The following LRP1B variants were observed in gnomAD, a reference collection of about 807,000 sequenced individuals.
LRP1B encodes low-density lipoprotein receptor-related protein 1B.
Under a neutral mutation model 556.6 loss-of-function variants are expected in LRP1B, and 217 were observed. That is an observed-to-expected ratio of 0.39 (90% CI 0.35 to 0.44). LRP1B has a LOEUF of 0.44. LRP1B is among the 20% of genes least tolerant of loss of function. The probability of loss-of-function intolerance (pLI) is 1.00; values close to 1 mark genes in which losing one functional copy is unlikely to be tolerated. For missense variants in LRP1B, 5,053 were observed against 5,620.8 expected (o/e 0.90, Z 3.23); for synonymous variants, 2,047 against 1,865.8 (o/e 1.10, Z -2.50).
chr2:141,155,751 C>A (rs1160864814), intron 7 of LRP1B, among the ~76,000 whole-genome samples: 1 of 151,996 alleles, frequency 6.6e-6, no homozygotes, highest in Non-Finnish European at 1.5e-5. Context: ...TTACTGAAGT[C>A]TTCTAATTTT....
intron 1 of LRP1B, among the ~76,000 whole-genome samples, chr2:141,933,238 A>G (rs1201776315): frequency 6.6e-6 from 1 of 152,134 alleles, no homozygotes; most frequent in African/African-American, 2.4e-5. Flanking sequence ...TTTAAGAAAA[A>G]AAAATTGTTG....
At chr2:141,978,166 A>C (rs1701938024) in intron 1 of LRP1B, among the ~76,000 whole-genome samples, 1 of 152,144 alleles carries the variant, frequency 6.6e-6, no homozygotes, top group Non-Finnish European at 1.5e-5. Flanking sequence ...ATAGTGAGTG[A>C]ATGAACTTAT....
chr2:140,849,206 A>G (rs1379423119), intron 29 of LRP1B, among the ~76,000 whole-genome samples: 2 of 32,082 alleles, frequency 6.2e-5, no homozygotes, highest in African/African-American at 1.3e-4. Context: ...AATACAAAAA[A>G]AAAAAAAAAA....
At chr2:141,217,625 C>G (rs1682868290) in intron 6 of LRP1B, among the ~76,000 whole-genome samples, 2 of 152,086 alleles carry the variant, frequency 1.3e-5, no homozygotes. Flanking sequence ...ATACCTCAAA[C>G]TAAAAATCCC....
intron 41 of LRP1B, among the ~76,000 whole-genome samples, chr2:140,636,246 C>T (rs574736763): frequency 1.3e-5 from 2 of 152,236 alleles, no homozygotes; most frequent in Admixed American, 1.3e-4. Context: ...GCTTCTTGAA[C>T]CCTTAGCATG....
intron 89 of LRP1B, 170 bp from the exon 90 acceptor site, chr2:140,235,054 A>T: frequency 2.5e-6 from 1 of 404,536 alleles, no homozygotes; most frequent in East Asian, 3.6e-5. Flanking sequence ...AAAATATCCA[A>T]TATTAATATT....
At chr2:141,325,407 T>C (rs571060780) in intron 3 of LRP1B, among the ~76,000 whole-genome samples, 89 of 152,274 alleles carry the variant, frequency 5.8e-4, no homozygotes, top group African/African-American at 2.0e-3. Context: ...AGAAAACTTT[T>C]ATGAAACAAG....
chr2:141,387,758 C>T (rs949440018), intron 3 of LRP1B, among the ~76,000 whole-genome samples: 2 of 152,228 alleles, frequency 1.3e-5, no homozygotes, highest in Admixed American at 6.5e-5. Flanking sequence ...ATCAAAACTT[C>T]TTAGACTCTT....
At chr2:140,919,003 T>A (rs1694661199) in intron 21 of LRP1B, among the ~76,000 whole-genome samples, 1 of 151,978 alleles carries the variant, frequency 6.6e-6, no homozygotes, top group African/African-American at 2.4e-5. Flanking sequence ...TTCTTAGTCA[T>A]TTTGGGAGTA....
chr2:140,651,237 T>C (rs568467834), intron 41 of LRP1B, among the ~76,000 whole-genome samples: 18 of 150,944 alleles, frequency 1.2e-4, no homozygotes, highest in Middle Eastern at 3.4e-3. Context: ...TCATTCTCAG[T>C]AAACTATCGC....
intron 1 of LRP1B, among the ~76,000 whole-genome samples, chr2:141,812,759 G>C (rs2105712667): frequency 6.6e-6 from 1 of 152,208 alleles, no homozygotes; most frequent in Non-Finnish European, 1.5e-5. Flanking sequence ...CAATTCTCTA[G>C]AGAAGATTTC....
At chr2:140,596,207 G>A (rs534897546) in intron 43 of LRP1B, among the ~76,000 whole-genome samples, 2 of 152,310 alleles carry the variant, frequency 1.3e-5, no homozygotes, top group African/African-American at 4.8e-5. Flanking sequence ...GTGTGAGGGT[G>A]CAATAGTGAT....
rs117865153 is a variant in LRP1B at position 141,249,322 on chromosome 2, C to T, written c.464-1968G>A. On this transcript the variant is annotated intron_variant, in intron 4 of 90. Transcript: ENST00000389484. The stretch of plus-strand genomic sequence containing the variant: ...TCAAGAAAGAGGAATCAGGGTGGGA[C>T]GCAGTGGCTCAGGCCTGTATTCCTA... 8.5e-5 allele frequency among the ~76,000 whole-genome samples: 13 copies of T among 152,282 alleles called. No homozygotes were observed. In the East Asian group the frequency reaches 1.9e-3, roughly 23 times the overall value.
intron 35 of LRP1B, among the ~76,000 whole-genome samples, chr2:140,720,650 A>G (rs1408054525): frequency 2.0e-5 from 3 of 152,054 alleles, no homozygotes; most frequent in Non-Finnish European, 4.4e-5. Context: ...AAAGGAAATA[A>G]AAGTGTTTTA....
At chr2:140,916,732 C>T (rs1044049671) in intron 21 of LRP1B, among the ~76,000 whole-genome samples, 1 of 152,288 alleles carries the variant, frequency 6.6e-6, no homozygotes, top group Admixed American at 6.5e-5. Flanking sequence ...AGTTGTGATA[C>T]CTTCTCAGTC....
In LRP1B at chr2:141,078,565, C is replaced by T. The variant is rs571289300; in HGVS notation, c.1014-16292G>A. Among the ~76,000 whole-genome samples the T allele has an allele frequency of 7.9e-5, 12 of 152,194 alleles. No homozygotes were observed. In the South Asian group the frequency reaches 1.0e-3, roughly 13 times the overall value. On this transcript the variant is annotated intron_variant, in intron 7 of 90. Coordinates refer to ENST00000389484, the MANE Select transcript of LRP1B (RefSeq NM_018557.3). ...GAACAGACATATAAAGCAAGGGCAT[C>T]GGTCACTGTATCTGAGGTATGTGTA...
At chr2:140,569,056 CAGATGCACA>C (rs1462205243) in intron 43 of LRP1B, among the ~76,000 whole-genome samples, 3 of 151,838 alleles carry the variant, frequency 2.0e-5, no homozygotes. Flanking sequence ...AGTGGTAAAG[CAGATGCACA>C]AGATGCACAA....
At chr2:141,302,887 T>A (rs1410530457) in intron 3 of LRP1B, among the ~76,000 whole-genome samples, 1 of 152,024 alleles carries the variant, frequency 6.6e-6, no homozygotes, top group Admixed American at 6.6e-5. Context: ...AATAAAGAAA[T>A]CCTTGTGCAA....
rs1030583815 is a variant in LRP1B at position 140,933,221 on chromosome 2, T to A, written c.3137-10074A>T. The stretch of plus-strand genomic sequence containing the variant: ...TATAATATCTAAATGCAAATTCAGT[T>A]GAAGCTTCATATAAATAAGAAAACA... On this transcript the variant is annotated intron_variant, in intron 20 of 90. Transcript: ENST00000389484. Among the ~76,000 whole-genome samples the A allele has an allele frequency of 2.0e-5, 3 of 152,026 alleles. No homozygotes were observed. The South Asian group carries it at 6.2e-4, about 31-fold the overall frequency.
Sources: allele counts gnomAD v4.1 joint callset (sites outside exome capture counted in the v4.1 genomes callset), GRCh38; gene constraint gnomAD v4.1.1; transcripts MANE v1.5; gene names NCBI Gene and HGNC (gene_info 2026-07-23, HGNC 2026-07-21).